The following BCL2 variants were observed in gnomAD, a reference collection of about 807,000 sequenced individuals.
BCL2 encodes BCL2 apoptosis regulator, also known as apoptosis regulator Bcl-2.
A neutral mutation model predicts 14.2 loss-of-function variants in BCL2; 1 was observed. The observed-to-expected ratio is 0.07, with a 90% CI of 0.02 to 0.33. The LOEUF is 0.33. BCL2 is among the 10% of genes least tolerant of loss of function. BCL2 has a pLI of 0.99. For missense variants in BCL2, 247 were observed against 305.9 expected (o/e 0.81, Z 1.44); for synonymous variants, 151 against 137.2 (o/e 1.10, Z -0.70).
At chr18:63,197,321 C>T (rs958460409) in intron 2 of BCL2, among the ~76,000 whole-genome samples, 1 of 152,206 alleles carries the variant, frequency 6.6e-6, no homozygotes, top group African/African-American at 2.4e-5. Flanking sequence ...GGAGCAAATG[C>T]TCGTACCTGC....
rs111882066 is a variant in BCL2, at chr18:63,159,184, T to G, written c.586-30425A>C. On this transcript the variant is annotated intron_variant, in intron 2 of 2. Transcript: ENST00000333681. ...CAAGATGAGATGATGACAAAAAGAC[T>G]GACTAGTGAGAAAAAGCATGAAACT... 4.0e-3 allele frequency among the ~76,000 whole-genome samples: 609 copies of G among 152,276 alleles called. 4 individuals carry two copies. The highest frequency in any genetic ancestry group is 0.014 in the African/African-American group (591 of 41,514).
intron 2 of BCL2, among the ~76,000 whole-genome samples, chr18:63,306,551 G>T (rs1282619159): frequency 6.6e-6 from 1 of 152,200 alleles, no homozygotes; most frequent in African/African-American, 2.4e-5. Context: ...TCTGGCCTTT[G>T]TTCCTGAAGT....
intron 2 of BCL2, among the ~76,000 whole-genome samples, chr18:63,312,683 T>C (rs545727772): frequency 9.2e-5 from 14 of 152,296 alleles, no homozygotes; most frequent in East Asian, 1.9e-4. Flanking sequence ...AGCTTTTTTT[T>C]CCCCTGCTCA....
chr18:63,285,201 TGGGG>T (rs34008827), intron 2 of BCL2, among the ~76,000 whole-genome samples: 2 of 152,138 alleles, frequency 1.3e-5, no homozygotes, highest in Non-Finnish European at 2.9e-5. Context: ...TAAAGATCAC[TGGGG>T]GAACTTCTCG....
intron 2 of BCL2, among the ~76,000 whole-genome samples, chr18:63,248,783 C>T (rs1911222985): frequency 6.6e-6 from 1 of 152,188 alleles, no homozygotes; most frequent in Non-Finnish European, 1.5e-5. Context: ...TATTGCCAGC[C>T]TTGTTGCAGA....
chr18:63,188,262 G>A (rs893325772), intron 2 of BCL2, among the ~76,000 whole-genome samples: 5 of 152,212 alleles, frequency 3.3e-5, no homozygotes, highest in South Asian at 2.1e-4. Flanking sequence ...AGTCTTTGGC[G>A]TTAGACCTGA....
chr18:63,312,050 G>A (rs1452086209), intron 2 of BCL2, among the ~76,000 whole-genome samples: 1 of 152,226 alleles, frequency 6.6e-6, no homozygotes, highest in Non-Finnish European at 1.5e-5. Flanking sequence ...ATCACTAGAG[G>A]AAAAGGATAG....
At chr18:63,259,091 G>A (rs897353904) in intron 2 of BCL2, among the ~76,000 whole-genome samples, 14 of 152,114 alleles carry the variant, frequency 9.2e-5, no homozygotes, top group Admixed American at 1.3e-4. Context: ...GAGGATCTTC[G>A]CACTGTGGTG....
chr18:63,319,413 C>T lies in BCL2; in HGVS notation c.-526G>A, dbSNP rs1913624646. The T allele has an allele frequency of 4.4e-6, 1 of 227,722 alleles. No individual in the cohort carries two copies. The highest frequency in any genetic ancestry group is 8.7e-6 in the Non-Finnish European group (1 of 114,798). 14.1% of individuals were successfully genotyped at this position (227,722 alleles called of 1,614,324 possible). A position where few individuals can be genotyped will look rare whatever the true frequency, so the allele number is the denominator to read the frequency against. On this transcript the variant is annotated 5_prime_UTR_variant, in exon 1 of 3. Transcript: ENST00000333681. ...CCGCAGGAATCCCAACCGGAGATCT[C>T]AAGAGCTCGAGAAAAAAAAAAGGCA...
intron 2 of BCL2, among the ~76,000 whole-genome samples, chr18:63,244,127 C>T (rs1415339728): frequency 6.6e-6 from 1 of 152,136 alleles, no homozygotes; most frequent in African/African-American, 2.4e-5. Context: ...TGCTTGTAAT[C>T]CCAGCATTTT....
chr18:63,276,304 T>C (rs1912151861), intron 2 of BCL2, among the ~76,000 whole-genome samples: 1 of 152,198 alleles, frequency 6.6e-6, no homozygotes, highest in Admixed American at 6.5e-5. Context: ...ATCCAAACTG[T>C]CTGCTGGCTT....
rs140367150 is a variant in BCL2 at position 63,149,483 on chromosome 18, C to T, written c.586-20724G>A. Reference sequence around the variant, plus strand: ...TATAAGTTGCAACTGTTGGCTGGTGCCAGACGACTTTCGCTTGTTCTGTCT... The same window carrying T: ...TATAAGTTGCAACTGTTGGCTGGTGTCAGACGACTTTCGCTTGTTCTGTCT... On this transcript the variant is annotated intron_variant, in intron 2 of 2. Coordinates refer to ENST00000333681, the MANE Select transcript of BCL2 (RefSeq NM_000633.3). The surrounding 1 kb of genome is among the most constrained non-coding windows in gnomAD (Gnocchi z 4.2). Among the ~76,000 whole-genome samples, 589 of 152,318 alleles carry T rather than the reference C, an allele frequency of 3.9e-3. 3 individuals carry two copies. Among genetic ancestry groups the T allele is most frequent in the African/African-American group, 0.013 (555 of 41,572 alleles).
At chr18:63,216,010 G>A (rs1234279341) in intron 2 of BCL2, among the ~76,000 whole-genome samples, 1 of 152,120 alleles carries the variant, frequency 6.6e-6, no homozygotes, top group African/African-American at 2.4e-5. Context: ...AGATGAGGTT[G>A]TAAAGTTAAT....
At chr18:63,222,987 A>G (rs191076369) in intron 2 of BCL2, among the ~76,000 whole-genome samples, 2 of 152,228 alleles carry the variant, frequency 1.3e-5, no homozygotes, top group East Asian at 3.8e-4. Flanking sequence ...CAGACAAAGG[A>G]AGCTGAATCC....
At chr18:63,162,925 G>A (rs567878614) in intron 2 of BCL2, among the ~76,000 whole-genome samples, 2 of 152,150 alleles carry the variant, frequency 1.3e-5, no homozygotes, top group South Asian at 4.2e-4. Flanking sequence ...CGCAATTATA[G>A]CTCACTGCAG....
intron 2 of BCL2, among the ~76,000 whole-genome samples, chr18:63,285,763 C>G (rs1048302670): frequency 6.6e-5 from 10 of 152,256 alleles, no homozygotes; most frequent in African/African-American, 2.4e-4. Context: ...CTGCATGGGG[C>G]TGGGGGTTCT....
intron 2 of BCL2, among the ~76,000 whole-genome samples, chr18:63,221,133 G>A (rs1910381033): frequency 6.6e-6 from 1 of 152,274 alleles, no homozygotes; most frequent in East Asian, 1.9e-4. Flanking sequence ...TCCACTAACT[G>A]GCCACGTGTC....
intron 2 of BCL2, among the ~76,000 whole-genome samples, chr18:63,141,894 G>A (rs963030039): frequency 2.0e-5 from 3 of 152,376 alleles, no homozygotes; most frequent in African/African-American, 4.8e-5. Context: ...CATGTGACTC[G>A]TGAACACGGG....
chr18:63,144,963 C>T (rs1914469780), intron 2 of BCL2, among the ~76,000 whole-genome samples: 1 of 152,140 alleles, frequency 6.6e-6, no homozygotes, highest in Non-Finnish European at 1.5e-5. Flanking sequence ...GTGGTCTGGC[C>T]CTGTTGCTAG....
Sources: allele counts gnomAD v4.1 joint callset (sites outside exome capture counted in the v4.1 genomes callset), GRCh38; gene constraint gnomAD v4.1.1; non-coding constraint Gnocchi (gnomAD v3.1); transcripts MANE v1.5; gene names NCBI Gene and HGNC (gene_info 2026-07-23, HGNC 2026-07-21).